Variants in OXR1 observed in about 807,000 individuals in gnomAD.
OXR1 encodes oxidation resistance protein 1.
A neutral mutation model predicts 104.6 loss-of-function variants in OXR1; 41 were observed. The observed-to-expected ratio is 0.39, with a 90% CI of 0.31 to 0.51. The LOEUF is 0.51. Among genes scored for constraint, OXR1 ranks in the 20% least tolerant of loss-of-function variants. The probability of loss-of-function intolerance (pLI) is 0.77; values close to 1 mark genes in which losing one functional copy is unlikely to be tolerated. For synonymous variants in OXR1, 348 were observed against 348.4 expected (o/e 1.00, Z 0.01); for missense variants, 955 against 1,031.9 (o/e 0.93, Z 1.02).
intron 2 of OXR1, among the ~76,000 whole-genome samples, chr8:106,516,908 T>C (rs1330025945): frequency 6.6e-6 from 1 of 152,178 alleles, no homozygotes; most frequent in Non-Finnish European, 1.5e-5. Context: ...TATTTATGCA[T>C]GCATTGAAAA....
At chr8:106,436,035 C>G (rs904090042) in intron 2 of OXR1, among the ~76,000 whole-genome samples, 2 of 151,810 alleles carry the variant, frequency 1.3e-5, no homozygotes, top group South Asian at 4.2e-4. Flanking sequence ...CATTTTTTTT[C>G]CTTTCCAAGG....
Position 106,710,714 on chromosome 8 carries a change from C to A in OXR1, c.1717C>A (p.Gln573Lys). The change falls in exon 10 of 17, where the codon CAA becomes AAA. Residue 573 changes from glutamine to lysine, a missense_variant. By Grantham distance (53) the Gln-to-Lys change is moderately conservative. This residue lies in a region of OXR1 where 849 missense variants were observed against 852.9 expected (regional missense o/e 1.00). Coordinates refer to ENST00000517566, the MANE Select transcript of OXR1 (RefSeq NM_001198533.2). ...GKPMRKTFVS[Q>K]ASATMQQYAQ... Reference sequence around the variant, plus strand: ...ACCAATGAGGAAAACGTTTGTATCTCAAGCAAGTGCTACAATGCAACAGTA... The same window carrying A: ...ACCAATGAGGAAAACGTTTGTATCTAAAGCAAGTGCTACAATGCAACAGTA... 6.2e-7 allele frequency: 1 copy of A among 1,603,246 alleles called. No individual in the cohort carries two copies. Among genetic ancestry groups the A allele is most frequent in the South Asian group, 1.1e-5 (1 of 89,602 alleles).
chr8:106,679,804 TGCAGTCA>T, intron 4 of OXR1, among the ~76,000 whole-genome samples: 1 of 151,976 alleles, frequency 6.6e-6, no homozygotes, highest in East Asian at 1.9e-4. Context: ...CAAATCTTCC[TGCAGTCA>T]GCTGGCTTTT....
Position 106,482,403 on chromosome 8 carries a change from G to A in OXR1, c.24-36540G>A, listed in dbSNP as rs1419891647. 5.3e-5 allele frequency among the ~76,000 whole-genome samples: 5 copies of A among 93,532 alleles called. No individual in the cohort carries two copies. In the East Asian group the frequency reaches 1.3e-3, roughly 24 times the overall value. 61.4% of individuals were successfully genotyped at this position (93,532 alleles called of 152,430 possible). The stretch of plus-strand genomic sequence containing the variant: ...GTGTGGGATATTGGGAAGAACAAGA[G>A]TTAGGAACTGGGGGAAAAAAAAAAA... On this transcript the variant is annotated intron_variant, in intron 2 of 16. Coordinates refer to ENST00000517566, the MANE Select transcript of OXR1 (RefSeq NM_001198533.2).
intron 11 of OXR1, among the ~76,000 whole-genome samples, chr8:106,737,163 T>C (rs1446351097): frequency 6.6e-6 from 1 of 152,194 alleles, no homozygotes; most frequent in Non-Finnish European, 1.5e-5. Flanking sequence ...CCTTTGTAAC[T>C]GCAAGACCGT....
At chr8:106,705,257 G>A (rs1353288046) in intron 8 of OXR1, among the ~76,000 whole-genome samples, 2 of 152,044 alleles carry the variant, frequency 1.3e-5, no homozygotes, top group Non-Finnish European at 2.9e-5. Flanking sequence ...ACCAGTAGAT[G>A]ACACTATTGT....
At chr8:106,366,157 G>T (rs150136279) in intron 2 of OXR1, among the ~76,000 whole-genome samples, 22 of 152,222 alleles carry the variant, frequency 1.4e-4, no homozygotes, top group African/African-American at 5.3e-4. Context: ...GTTCTTTAGG[G>T]GTTGATAATG....
chr8:106,630,165 C>T (rs183336415), intron 3 of OXR1, among the ~76,000 whole-genome samples: 26 of 152,284 alleles, frequency 1.7e-4, no homozygotes, highest in African/African-American at 6.0e-4. Context: ...AGCGCTGCTA[C>T]CAGACAAATG....
intron 3 of OXR1, among the ~76,000 whole-genome samples, chr8:106,654,837 C>G (rs1824915270): frequency 6.6e-6 from 1 of 151,952 alleles, no homozygotes; most frequent in Non-Finnish European, 1.5e-5. Flanking sequence ...GAAAACAGGT[C>G]AACAAAAAAA....
At chr8:106,644,227 A>G (rs1338112028) in intron 3 of OXR1, among the ~76,000 whole-genome samples, 1 of 152,232 alleles carries the variant, frequency 6.6e-6, no homozygotes, top group Admixed American at 6.5e-5. Flanking sequence ...ACTTATTCAC[A>G]TACACAAAAG....
At chr8:106,594,863 C>T (rs982022776) in intron 3 of OXR1, among the ~76,000 whole-genome samples, 1 of 152,174 alleles carries the variant, frequency 6.6e-6, no homozygotes, top group Non-Finnish European at 1.5e-5. Flanking sequence ...GCAAGTACTA[C>T]ATCAGAGGGA....
intron 3 of OXR1, among the ~76,000 whole-genome samples, chr8:106,548,985 G>A (rs180675760): frequency 1.1e-4 from 17 of 151,930 alleles, no homozygotes; most frequent in South Asian, 2.1e-4. Flanking sequence ...AATAACTTCC[G>A]CACATCCATG....
chr8:106,357,438 C>G (rs773037972), intron 1 of OXR1, among the ~76,000 whole-genome samples: 2 of 152,098 alleles, frequency 1.3e-5, no homozygotes, highest in Non-Finnish European at 2.9e-5. Context: ...AACTTCATAG[C>G]TGCTTACTTC....
At chr8:106,503,923 T>C (rs1456412458) in intron 2 of OXR1, among the ~76,000 whole-genome samples, 1 of 152,158 alleles carries the variant, frequency 6.6e-6, no homozygotes, top group African/African-American at 2.4e-5. Context: ...TGGGAAGAGC[T>C]GCTTTCAGTC....
At chr8:106,404,158 G>A (rs1818118761) in intron 2 of OXR1, among the ~76,000 whole-genome samples, 1 of 152,144 alleles carries the variant, frequency 6.6e-6, no homozygotes, top group South Asian at 2.1e-4. Context: ...TAGGGATGCT[G>A]CTACCACTGG....
At chr8:106,347,251 CAA>C (rs566681869) in intron 1 of OXR1, among the ~76,000 whole-genome samples, 1 of 152,168 alleles carries the variant, frequency 6.6e-6, no homozygotes, top group Non-Finnish European at 1.5e-5. Context: ...TTTTCCTAAG[CAA>C]AGAGTGACAT....
At chr8:106,323,223 A>G (rs1384689636) in intron 1 of OXR1, among the ~76,000 whole-genome samples, 2 of 152,192 alleles carry the variant, frequency 1.3e-5, no homozygotes, top group Non-Finnish European at 2.9e-5. Flanking sequence ...GAGCCCAGAA[A>G]GAAGTCTGCA....
At position 106,319,875 on chromosome 8, in the gene OXR1, T is replaced by G. The variant is rs79238025; in HGVS notation, c.-138-39601T>G. Among the ~76,000 whole-genome samples, 264 of 152,306 alleles carry G rather than the reference T, an allele frequency of 1.7e-3. 1 individual carries two copies. The highest frequency in any genetic ancestry group is 6.8e-3 in the Middle Eastern group (2 of 294). On this transcript the variant is annotated intron_variant, in intron 1 of 16. Coordinates refer to ENST00000517566, the MANE Select transcript of OXR1 (RefSeq NM_001198533.2). ...AGGAATAGTTGCAGGTCAGCAGTAC[T>G]TTTTGTTTTGAAGTTTTGCAGCACA...
At chr8:106,358,293 AAAAT>A (rs780843693) in intron 1 of OXR1, among the ~76,000 whole-genome samples, 5 of 152,186 alleles carry the variant, frequency 3.3e-5, no homozygotes, top group Non-Finnish European at 7.3e-5. Flanking sequence ...GTATGAAAGA[AAAAT>A]AAACTTTTTT....
Sources: allele counts gnomAD v4.1 joint callset (sites outside exome capture counted in the v4.1 genomes callset), GRCh38; gene constraint gnomAD v4.1.1; regional missense constraint gnomAD v4.1.1; transcripts MANE v1.5; gene names NCBI Gene and HGNC (gene_info 2026-07-23, HGNC 2026-07-21).